CACNA2D1: variants seen among roughly 807,000 people sequenced by gnomAD.
CACNA2D1 encodes voltage-dependent calcium channel subunit alpha-2/delta-1.
CACNA2D1 carries 53 observed loss-of-function variants against 171.5 expected under a neutral mutation model. The observed-to-expected ratio is 0.31, with a 90% confidence interval of 0.25 to 0.39. The LOEUF is 0.39. Among genes scored for constraint, CACNA2D1 ranks in the 10% least tolerant of loss-of-function variants. The pLI is 1.00. For synonymous variants in CACNA2D1, 442 were observed against 443.1 expected (o/e 1.00, Z 0.03); for missense variants, 903 against 1,299.8 (o/e 0.69, Z 4.69).
chr7:82,101,841 A>G (rs1391104767), intron 6 of CACNA2D1, among the ~76,000 whole-genome samples: 3 of 152,186 alleles, frequency 2.0e-5, no homozygotes, highest in African/African-American at 7.2e-5. Flanking sequence ...AGTACATGTT[A>G]GTTCAATTAT....
chr7:82,030,666 A>G (rs1249410366), intron 12 of CACNA2D1, among the ~76,000 whole-genome samples: 1 of 151,836 alleles, frequency 6.6e-6, no homozygotes, highest in Non-Finnish European at 1.5e-5. Context: ...ATGAAAGGAA[A>G]AAAATGATTT....
chr7:82,413,224 T>C (rs1053192487), intron 1 of CACNA2D1, among the ~76,000 whole-genome samples: 59 of 152,246 alleles, frequency 3.9e-4, no homozygotes, highest in Non-Finnish European at 2.9e-5. Flanking sequence ...ACAATTTTTA[T>C]ATCTGTGCAA....
At chr7:82,436,583 T>C (rs1408323693) in intron 1 of CACNA2D1, among the ~76,000 whole-genome samples, 1 of 152,172 alleles carries the variant, frequency 6.6e-6, no homozygotes, top group African/African-American at 2.4e-5. Context: ...ATTTCCAATA[T>C]AACCAAGCTC....
At chr7:82,299,659 CAAAA>C (rs76037778) in intron 3 of CACNA2D1, among the ~76,000 whole-genome samples, 2 of 113,794 alleles carry the variant, frequency 1.8e-5, no homozygotes, top group African/African-American at 3.3e-5. Flanking sequence ...GACTCTATCT[CAAAA>C]AAAAAAAAAA....
At chr7:82,012,715 C>T (rs1044321601) in intron 14 of CACNA2D1, among the ~76,000 whole-genome samples, 4 of 151,990 alleles carry the variant, frequency 2.6e-5, no homozygotes, top group Non-Finnish European at 4.4e-5. Context: ...AATACTGTGC[C>T]AAATCTAGAC....
chr7:82,145,834 A>T (rs1232117965), intron 4 of CACNA2D1, among the ~76,000 whole-genome samples: 2 of 151,174 alleles, frequency 1.3e-5, no homozygotes, highest in Non-Finnish European at 3.0e-5. Context: ...TTTGTCTTAT[A>T]ATCTACATTA....
intron 16 of CACNA2D1, 95 bp downstream of exon 16, chr7:82,007,584 G>T: frequency 1.3e-6 from 1 of 748,048 alleles, no homozygotes; most frequent in Non-Finnish European, 2.4e-6. Context: ...CAATTACACT[G>T]CATGTATTTT....
At chr7:82,197,907 C>T (rs1799014013) in intron 3 of CACNA2D1, among the ~76,000 whole-genome samples, 1 of 133,000 alleles carries the variant, frequency 7.5e-6, no homozygotes, top group African/African-American at 2.5e-5. Flanking sequence ...TGACATTATG[C>T]ACACACACAC....
chr7:82,150,377 A>C (rs1192486964), intron 4 of CACNA2D1, among the ~76,000 whole-genome samples: 3 of 150,278 alleles, frequency 2.0e-5, no homozygotes, highest in African/African-American at 4.9e-5. Context: ...AACAGAACTT[A>C]AAGAGCCATC....
At chr7:82,211,634 T>C (rs1354093403) in intron 3 of CACNA2D1, among the ~76,000 whole-genome samples, 1 of 152,192 alleles carries the variant, frequency 6.6e-6, no homozygotes, top group Admixed American at 6.5e-5. Context: ...GTTGATTCCA[T>C]GTCTTTGCAA....
chr7:82,147,995 C>T (rs1793342657), intron 4 of CACNA2D1, among the ~76,000 whole-genome samples: 1 of 152,022 alleles, frequency 6.6e-6, no homozygotes, highest in South Asian at 2.1e-4. Context: ...ATCCAAGACG[C>T]CCCAGTAAAG....
intron 6 of CACNA2D1, among the ~76,000 whole-genome samples, chr7:82,088,713 T>C (rs532230406): frequency 6.6e-6 from 1 of 152,156 alleles, no homozygotes; most frequent in Non-Finnish European, 1.5e-5. Flanking sequence ...TTTAATAATA[T>C]GTATAACAGG....
At chr7:82,007,796 C>T (rs751937540) in intron 15 of CACNA2D1, 40 bp from the exon 16 acceptor site, 1 of 1,175,120 alleles carries the variant, frequency 8.5e-7, no homozygotes, top group South Asian at 1.2e-5. Context: ...ATTAAAATTA[C>T]AATTTAAGCT....
chr7:82,160,949 T>A (rs1794889722), intron 4 of CACNA2D1, among the ~76,000 whole-genome samples: 1 of 152,038 alleles, frequency 6.6e-6, no homozygotes, highest in African/African-American at 2.4e-5. Flanking sequence ...ATAATAAGAG[T>A]TTAACAATAG....
intron 3 of CACNA2D1, among the ~76,000 whole-genome samples, chr7:82,303,430 A>T (rs928361680): frequency 6.6e-6 from 1 of 151,744 alleles, no homozygotes; most frequent in Non-Finnish European, 1.5e-5. Context: ...TAGAAAAAAA[A>T]ATTCTAAACT....
At chr7:82,299,433 G>C (rs1249478464) in intron 3 of CACNA2D1, among the ~76,000 whole-genome samples, 7 of 151,950 alleles carry the variant, frequency 4.6e-5, no homozygotes, top group African/African-American at 1.7e-4. Context: ...GGCAGGAGTG[G>C]GCAGATCACT....
chr7:82,069,243 A>G (rs574100992), intron 7 of CACNA2D1, among the ~76,000 whole-genome samples: 1 of 152,310 alleles, frequency 6.6e-6, no homozygotes, highest in East Asian at 1.9e-4. Context: ...TCCCTGAAAT[A>G]ATCAGTTTCA....
At chr7:82,282,490 A>T (rs1001759) in intron 3 of CACNA2D1, among the ~76,000 whole-genome samples, 3,967 of 152,206 alleles carry the variant, frequency 0.026, 64 homozygotes, top group East Asian at 0.066. Context: ...CCCCTTTGAG[A>T]CAGGTAAGAG....
At chr7:82,206,479 A>G (rs542658223) in intron 3 of CACNA2D1, among the ~76,000 whole-genome samples, 17 of 152,280 alleles carry the variant, frequency 1.1e-4, no homozygotes, top group Admixed American at 2.0e-4. Flanking sequence ...CAATACTACC[A>G]CTGCTAAAAC....
Sources: allele counts gnomAD v4.1 joint callset (sites outside exome capture counted in the v4.1 genomes callset), GRCh38; gene constraint gnomAD v4.1.1; transcripts MANE v1.5; gene names NCBI Gene and HGNC (gene_info 2026-07-23, HGNC 2026-07-21).